Variants in KYAT1 observed in about 807,000 individuals in gnomAD.
The protein encoded by KYAT1 is kynurenine--oxoglutarate transaminase 1.
A neutral mutation model predicts 52.4 loss-of-function variants in KYAT1; 47 were observed. The ratio of observed to expected loss-of-function variants is 0.90; its 90% CI spans 0.71 to 1.14. The LOEUF (loss-of-function observed/expected upper bound fraction) is 1.14. Among genes scored for constraint, KYAT1 ranks in the 50% most tolerant of loss-of-function variants. KYAT1 has a pLI of 0.00. For synonymous variants in KYAT1, 212 were observed against 209.6 expected, an observed-to-expected ratio of 1.01 and a Z score of -0.10; for missense variants, 480 against 557.9, an observed-to-expected ratio of 0.86 and a Z score of 1.41.
At chr9:128,864,451 C>T (rs959246368) in intron 1 of KYAT1, among the ~76,000 whole-genome samples, 4 of 149,168 alleles carry the variant, frequency 2.7e-5, no homozygotes, top group Admixed American at 1.3e-4. Context: ...TAACTATGTA[C>T]AGGTATACAG....
chr9:128,869,255 G>A (rs1477302613), intron 1 of KYAT1, among the ~76,000 whole-genome samples: 3 of 151,850 alleles, frequency 2.0e-5, no homozygotes, highest in South Asian at 2.1e-4. Flanking sequence ...TCTGCCTCCC[G>A]GGTTCACACC....
Position 128,834,652 on chromosome 9 carries a change from C to A in KYAT1, c.1122+671G>T, listed in dbSNP as rs111792490. Among the ~76,000 whole-genome samples, 1,191 of 151,260 alleles carry A rather than the reference C, an allele frequency of 7.9e-3. 21 individuals are homozygous for A. The highest frequency in any genetic ancestry group is 0.028 in the African/African-American group (1,151 of 41,156). ...TAGCCTGACCAACATGGTGAAACCC[C>A]GTCTCTACTAAAAATACAAAAATTA... On this transcript the variant is annotated intron_variant, in intron 11 of 12. Transcript: ENST00000302586.
intron 1 of KYAT1, among the ~76,000 whole-genome samples, chr9:128,858,413 A>AAAAAAAAAAAC (rs1834978154): frequency 7.5e-6 from 1 of 132,666 alleles, no homozygotes. Flanking sequence ...AAAAAAAAAA[A>AAAAAAAAAAAC]AAGCCCGGGC....
At chr9:128,848,943 A>T (rs911121258) in intron 1 of KYAT1, among the ~76,000 whole-genome samples, 4 of 151,624 alleles carry the variant, frequency 2.6e-5, no homozygotes, top group African/African-American at 9.7e-5. Flanking sequence ...GCGAAACCCC[A>T]TCTCTAATAA....
At chr9:128,852,420 G>A (rs1426819417) in intron 1 of KYAT1, among the ~76,000 whole-genome samples, 1 of 152,200 alleles carries the variant, frequency 6.6e-6, no homozygotes, top group Non-Finnish European at 1.5e-5. Context: ...CCAGGTTTTA[G>A]TGGAAAGTGT....
At chr9:128,877,771 T>C (rs1838255587) in intron 1 of KYAT1, among the ~76,000 whole-genome samples, 1 of 152,204 alleles carries the variant, frequency 6.6e-6, no homozygotes, top group African/African-American at 2.4e-5. Context: ...GATGAGTCAG[T>C]TCTTCACTGG....
At chr9:128,837,006 A>C in intron 6 of KYAT1, 84 bp from the exon 7 acceptor site, 1 of 1,525,714 alleles carries the variant, frequency 6.6e-7, no homozygotes, top group Non-Finnish European at 8.8e-7. Context: ...TAAAGAACAC[A>C]GCTGCGGCCA....
intron 3 of KYAT1, among the ~76,000 whole-genome samples, chr9:128,841,423 A>T (rs1474592835): frequency 1.3e-5 from 2 of 151,776 alleles, no homozygotes; most frequent in African/African-American, 2.4e-5. Context: ...GAATGGCTTG[A>T]ACCCAGGAGG....
chr9:128,876,409 C>CTTTTTTTTT (rs71383618), intron 1 of KYAT1, among the ~76,000 whole-genome samples: 84 of 124,430 alleles, frequency 6.8e-4, no homozygotes, highest in East Asian at 1.2e-3. Context: ...ATCCTTTGTT[C>CTTTTTTTTT]TTTTTTTTTT....
intron 1 of KYAT1, chr9:128,847,318 T>C: frequency 1.5e-6 from 1 of 667,990 alleles, no homozygotes; most frequent in South Asian, 2.0e-5. Flanking sequence ...AGGCTGCAGT[T>C]AAAGAGGGCT....
chr9:128,842,883 C>G, intron 2 of KYAT1, 82 bp from the exon 3 acceptor site: 2 of 1,455,620 alleles, frequency 1.4e-6, no homozygotes, highest in Admixed American at 4.0e-5. Flanking sequence ...AACTGGACAA[C>G]CGGCCAGGTG....
chr9:128,865,328 TATA>T lies in KYAT1; in HGVS notation c.-7+16566_-7+16568del, dbSNP rs1836100173. ...GCCTACATATATATATATATATATA[TATA>T]TATATATATATATATATATATATAT... On this transcript the variant is annotated intron_variant, in intron 1 of 12. Transcript: ENST00000302586. 8.2e-5 allele frequency among the ~76,000 whole-genome samples: 3 copies of T among 36,648 alleles called. 1 individual carries two copies. Among genetic ancestry groups the T allele is most frequent in the Non-Finnish European group, 1.2e-4 (3 of 24,856 alleles). 24.0% of individuals were successfully genotyped at this position (36,648 alleles called of 152,430 possible). A position where few individuals can be genotyped will look rare whatever the true frequency, so the allele number is the denominator to read the frequency against.
chr9:128,845,541 T>C, intron 1 of KYAT1, 130 bp from the exon 2 acceptor site: 4 of 833,518 alleles, frequency 4.8e-6, no homozygotes, highest in South Asian at 4.8e-5. Context: ...GGGGAAGAGA[T>C]AGAGTTTGCA....
At position 128,833,562 on chromosome 9, in the gene KYAT1, G is replaced by C. The variant is rs761781380; in HGVS notation, c.*22C>G. 31 of 1,612,262 alleles carry C rather than the reference G, an allele frequency of 1.9e-5. No homozygotes were observed. The highest frequency in any genetic ancestry group is 2.6e-5 in the Non-Finnish European group (31 of 1,178,410). On this transcript the variant is annotated 3_prime_UTR_variant, in exon 13 of 13. Coordinates refer to ENST00000302586, the MANE Select transcript of KYAT1 (RefSeq NM_004059.5). ...TCTCTGCGGGCATGTGGGGATGTCA[G>C]GGCCAAGGCGTGACTTCAGGGCTAG...
rs752762440 is a variant in KYAT1, at chr9:128,833,662, G to T, written c.1210-19C>A. On this transcript the variant is annotated intron_variant, in intron 12 of 12. Coordinates refer to ENST00000302586, the MANE Select transcript of KYAT1 (RefSeq NM_004059.5). ...CTTCATCCTGCGCCAGCACAGATTA[G>T]TCCTACACTCTCCCCATGTGCCCAG... 9.9e-6 allele frequency: 16 copies of T among 1,614,156 alleles called. No individual in the cohort carries two copies. The highest frequency in any genetic ancestry group is 4.2e-6 in the Non-Finnish European group (5 of 1,179,986).
In KYAT1 at chr9:128,838,366, C is replaced by A. The variant is rs1589632336; in HGVS notation, c.203G>T (p.Gly68Val). ...CAGGATCTTCGTCAGTGGTGGGTAA[C>A]CCTGCCAGGACAGCAGGGGTTAACT... ...FMLNQYTKTF[G>V]YPPLTKILAS... Residue 68 changes from glycine to valine, a missense_variant and splice_region_variant, in exon 4 of 13, where the codon GGT becomes GTT. Gly to Val is a moderately radical substitution (Grantham distance 109). Transcript: ENST00000302586. The A allele has an allele frequency of 2.5e-6, 4 of 1,614,126 alleles. No individual in the cohort carries two copies. Among genetic ancestry groups the A allele is most frequent in the Non-Finnish European group, 3.4e-6 (4 of 1,180,034 alleles).
chr9:128,882,409 C>A (rs1265118910), upstream of KYAT1: 5 of 290,448 alleles, frequency 1.7e-5, no homozygotes, highest in Non-Finnish European at 3.2e-5. Flanking sequence ...CGGCCTACCT[C>A]TGGGCTCCCC....
At position 128,842,699 on chromosome 9, in the gene KYAT1, G is replaced by A. The variant is rs138189842; in HGVS notation, c.156C>T (p.His52=). Residue 52 remains histidine (H), a synonymous_variant, in exon 3 of 13, where the codon CAC becomes CAT. Coordinates refer to ENST00000302586, the MANE Select transcript of KYAT1 (RefSeq NM_004059.5). ...PPDFAVEAFQ[H]AVSGDFMLNQ... ...TAAGCATGAAGTCTCCACTGACAGCGTGCTGAAAGGCTTCCACGGCAAAGT... is the reference window on the plus strand; with the variant it reads ...TAAGCATGAAGTCTCCACTGACAGCATGCTGAAAGGCTTCCACGGCAAAGT... The A allele has an allele frequency of 2.0e-4, 317 of 1,614,176 alleles. 2 individuals carry two copies. The African/African-American group carries it at 3.7e-3, about 19-fold the overall frequency.
chr9:128,838,245 G>A lies in KYAT1; in HGVS notation c.324C>T (p.Phe108=), dbSNP rs368681005. The A allele has an allele frequency of 1.9e-6, 3 of 1,614,090 alleles. No individual in the cohort carries two copies. Among genetic ancestry groups the A allele is most frequent in the East Asian group, 2.2e-5 (1 of 44,898 alleles). The change falls in exon 4 of 13, where the codon TTC becomes TTT. Residue 108 remains phenylalanine, a synonymous_variant. Transcript: ENST00000302586. ...VGGYGALFTA[F]QALVDEGDEV... The stretch of plus-strand genomic sequence containing the variant: ...CGTCTCCTTCGTCCACCAGGGCCTG[G>A]AAGGCTGTGAACAGGGCCCCATAGC...
Sources: gnomAD v4.1 joint callset for allele counts (sites outside exome capture counted in the v4.1 genomes callset) on GRCh38, gnomAD v4.1.1 for gene constraint, MANE v1.5 for transcripts, NCBI Gene and HGNC (gene_info 2026-07-23, HGNC 2026-07-21) for gene names.